The following DNAH11 variants were observed in gnomAD, a reference collection of about 807,000 sequenced individuals.
DNAH11 encodes the protein dynein axonemal heavy chain 11, also known as axonemal beta dynein heavy chain 11.
DNAH11 carries 442 observed loss-of-function variants against 526.0 expected under a neutral mutation model. The observed-to-expected ratio is 0.84, with a 90% CI of 0.78 to 0.91. The LOEUF is 0.91. Among genes scored for constraint, DNAH11 ranks in the 40% least tolerant of loss-of-function variants. The pLI, the probability that DNAH11 is intolerant of heterozygous loss-of-function variation, is 0.00. For missense variants in DNAH11, 6,989 were observed against 5,448.7 expected, an observed-to-expected ratio of 1.28 and a Z score of -8.90; for synonymous variants, 2,461 against 1,935.9, an observed-to-expected ratio of 1.27 and a Z score of -7.12.
Position 21,617,740 on chromosome 7 carries a change from G to C in DNAH11, c.4217G>C (p.Arg1406Thr). Reference protein sequence around the residue: ...AITELQSPALRDRHWHQLMKA... With the variant: ...AITELQSPALTDRHWHQLMKA... ...ACAGAGTTACAGAGCCCTGCCCTCA[G>C]GGACAGGCATTGGCACCAGCTGATG... The change falls in exon 23 of 82, where the codon AGG (arginine) becomes ACG (threonine). Residue 1406 changes from arginine (R) to threonine (T), a missense_variant. Transcript: ENST00000409508. The C allele has an allele frequency of 6.2e-7, 1 of 1,609,132 alleles. No homozygotes were observed. Among genetic ancestry groups the C allele is most frequent in the Non-Finnish European group, 8.5e-7 (1 of 1,177,978 alleles).
intron 30 of DNAH11, among the ~76,000 whole-genome samples, chr7:21,675,897 A>T (rs1782861946): frequency 6.6e-6 from 1 of 152,198 alleles, no homozygotes; most frequent in South Asian, 2.1e-4. Flanking sequence ...GGTAATAGTA[A>T]ATAGAATGGC....
chr7:21,814,346 TTTA>T (rs1789673643), intron 63 of DNAH11, among the ~76,000 whole-genome samples: 6 of 100,596 alleles, frequency 6.0e-5, no homozygotes, highest in Admixed American at 3.4e-4. Flanking sequence ...TATTTATTTA[TTTA>T]TTTTTTTTTT....
At position 21,821,454 on chromosome 7, in the gene DNAH11, T is replaced by C. The variant is rs147957590; in HGVS notation, c.10691+3115T>C. Reference sequence around the variant, plus strand: ...GGGTACCCTGTCTTGCCTCTGCTCTTTTCCCATGAGAAAAATGGGGACCCA... The same window carrying C: ...GGGTACCCTGTCTTGCCTCTGCTCTCTTCCCATGAGAAAAATGGGGACCCA... On this transcript the variant is annotated intron_variant, in intron 65 of 81. Coordinates refer to ENST00000409508, the MANE Select transcript of DNAH11 (RefSeq NM_001277115.2). Among the ~76,000 whole-genome samples the C allele has an allele frequency of 7.9e-5, 12 of 152,288 alleles. No homozygotes were observed. The East Asian group carries it at 2.3e-3, about 29-fold the overall frequency.
chr7:21,746,070 T>C (rs1786137024), intron 51 of DNAH11, among the ~76,000 whole-genome samples: 1 of 152,206 alleles, frequency 6.6e-6, no homozygotes, highest in Non-Finnish European at 1.5e-5. Context: ...AACTTTGATT[T>C]TATTCTAAGT....
intron 69 of DNAH11, among the ~76,000 whole-genome samples, chr7:21,863,411 T>TCCCTA (rs1233815867): frequency 6.6e-6 from 1 of 152,186 alleles, no homozygotes; most frequent in African/African-American, 2.4e-5. Context: ...TACTACACCA[T>TCCCTA]TTGCCTCCCA....
At chr7:21,617,999 G>A (rs79042940) in intron 23 of DNAH11, among the ~76,000 whole-genome samples, 2,131 of 152,258 alleles carry the variant, frequency 0.014, 36 homozygotes, top group African/African-American at 0.049. Context: ...ACAGCAGAGC[G>A]GAGGCTGGCT....
intron 44 of DNAH11, among the ~76,000 whole-genome samples, chr7:21,724,749 G>A (rs1347685310): frequency 2.0e-5 from 3 of 151,124 alleles, no homozygotes; most frequent in Non-Finnish European, 3.0e-5. Context: ...AAGAGTCACT[G>A]GGCCAGGTCA....
intron 61 of DNAH11, among the ~76,000 whole-genome samples, chr7:21,799,666 T>TG (rs1788882090): frequency 6.6e-6 from 1 of 152,202 alleles, no homozygotes; most frequent in Non-Finnish European, 1.5e-5. Context: ...ACTGGTGATG[T>TG]ATAATATCTC....
rs549841633 is a variant in DNAH11 at position 21,900,192 on chromosome 7, A to T, written c.13303+72A>T. 120 of 1,463,712 alleles carry T rather than the reference A, an allele frequency of 8.2e-5. No individual in the cohort carries two copies. In the East Asian group the frequency reaches 2.5e-3, roughly 31 times the overall value. 90.7% of individuals were successfully genotyped at this position (1,463,712 alleles called of 1,614,324 possible). ...TCAGATCAGTGTTTGTCCTCTGCTT[A>T]CTGTTTCTCAGCATCTCCTCACTCA... is the stretch of plus-strand genomic sequence containing the variant. On this transcript the variant is annotated intron_variant, in intron 81 of 81. Transcript: ENST00000409508.
At chr7:21,840,978 T>TG (rs1442683084) in intron 65 of DNAH11, among the ~76,000 whole-genome samples, 7 of 152,120 alleles carry the variant, frequency 4.6e-5, no homozygotes, top group Non-Finnish European at 1.5e-5. Flanking sequence ...GGTCAGTAGT[T>TG]GGAGACCAGC....
intron 57 of DNAH11, among the ~76,000 whole-genome samples, chr7:21,780,462 A>C (rs1325961350): frequency 6.6e-6 from 1 of 152,190 alleles, no homozygotes; most frequent in African/African-American, 2.4e-5. Context: ...CCGTTAGCTA[A>C]TTCTACCCAG....
intron 54 of DNAH11, among the ~76,000 whole-genome samples, chr7:21,760,796 G>A (rs1318467177): frequency 2.6e-5 from 4 of 152,116 alleles, no homozygotes; most frequent in Admixed American, 6.6e-5. Flanking sequence ...ATGCTGGTTA[G>A]CCACCTTCCC....
At chr7:21,749,611 T>C in intron 52 of DNAH11, 67 bp from the exon 53 acceptor site, 2 of 1,592,928 alleles carry the variant, frequency 1.3e-6, no homozygotes, top group Non-Finnish European at 1.7e-6. Context: ...TCCCCAGCAC[T>C]CACACACAAC....
intron 51 of DNAH11, among the ~76,000 whole-genome samples, chr7:21,747,746 T>G (rs1054457142): frequency 2.6e-5 from 4 of 152,172 alleles, no homozygotes; most frequent in Admixed American, 2.6e-4. Context: ...GGCTTTAGTG[T>G]GAAGGAAGCA....
intron 42 of DNAH11, among the ~76,000 whole-genome samples, chr7:21,715,553 T>C (rs554826025): frequency 6.6e-6 from 1 of 152,260 alleles, no homozygotes; most frequent in East Asian, 1.9e-4. Context: ...TTTTCAATTG[T>C]ATGTAATATA....
chr7:21,846,980 T>G (rs1418984781), intron 66 of DNAH11, among the ~76,000 whole-genome samples: 1 of 152,216 alleles, frequency 6.6e-6, no homozygotes, highest in Admixed American at 6.5e-5. Context: ...TGTAAGCATA[T>G]AATGATTTAT....
chr7:21,738,918 G>T, intron 47 of DNAH11, 52 bp downstream of exon 47: 1 of 1,307,870 alleles, frequency 7.6e-7, no homozygotes, highest in Non-Finnish European at 1.0e-6. Flanking sequence ...AATTATTATG[G>T]ATAATAATTA....
At chr7:21,652,447 G>C (rs2128464178) in intron 28 of DNAH11, among the ~76,000 whole-genome samples, 1 of 152,328 alleles carries the variant, frequency 6.6e-6, no homozygotes, top group African/African-American at 2.4e-5. Flanking sequence ...TAAGTAGTAA[G>C]ATGAGAAGGA....
intron 69 of DNAH11, 45 bp downstream of exon 69, chr7:21,862,068 C>T: frequency 2.6e-6 from 4 of 1,541,204 alleles, no homozygotes; most frequent in Non-Finnish European, 3.5e-6. Context: ...GAACCAAAGG[C>T]AGATGCCTCT....
Sources: allele counts gnomAD v4.1 joint callset (sites outside exome capture counted in the v4.1 genomes callset), GRCh38; gene constraint gnomAD v4.1.1; transcripts MANE v1.5; gene names NCBI Gene and HGNC (gene_info 2026-07-23, HGNC 2026-07-21).